Variants in CNTNAP5 observed in about 807,000 individuals in gnomAD.
The protein encoded by CNTNAP5 is contactin-associated protein-like 5.
CNTNAP5 carries 72 observed loss-of-function variants against 150.2 expected under a neutral mutation model. That is an observed-to-expected ratio of 0.48 (90% CI 0.40 to 0.58). The LOEUF is 0.58. Ranked by LOEUF, CNTNAP5 falls within the 20% of genes least tolerant of loss-of-function variation. CNTNAP5 has a pLI of 0.00. For synonymous variants in CNTNAP5, 672 were observed against 619.8 expected (o/e 1.08, Z -1.25); for missense variants, 1,636 against 1,626.2 (o/e 1.01, Z -0.10).
chr2:124,235,895 C>A (rs566649013), intron 2 of CNTNAP5, among the ~76,000 whole-genome samples: 15 of 152,172 alleles, frequency 9.9e-5, no homozygotes, highest in African/African-American at 3.6e-4. Context: ...AGGTGTTTAT[C>A]ATTTTTGCAA....
chr2:124,504,382 C>A lies in CNTNAP5; in HGVS notation c.1153C>A (p.Pro385Thr). 1 of 1,613,960 alleles carries A rather than the reference C, an allele frequency of 6.2e-7. No individual in the cohort carries two copies. The highest frequency in any genetic ancestry group is 8.5e-7 in the Non-Finnish European group (1 of 1,179,866). ...SGSYLLLPGT[P>T]QIDGLSVSFQ... ...CAGCTATTTGCTGCTGCCCGGCACCCCCCAAATTGATGGGCTCTCAGTGAG... is the reference window on the plus strand; with the variant it reads ...CAGCTATTTGCTGCTGCCCGGCACCACCCAAATTGATGGGCTCTCAGTGAG... The change falls in exon 8 of 24, where the codon CCC (proline) becomes ACC (threonine). Residue 385 changes from proline to threonine, a missense_variant. Coordinates refer to ENST00000682447, the MANE Select transcript of CNTNAP5 (RefSeq NM_001367498.1).
intron 7 of CNTNAP5, among the ~76,000 whole-genome samples, chr2:124,495,342 G>A (rs1408002214): frequency 6.6e-6 from 1 of 152,134 alleles, no homozygotes; most frequent in African/African-American, 2.4e-5. Context: ...ATATTTTTGA[G>A]CTTCTTGATT....
intron 1 of CNTNAP5, among the ~76,000 whole-genome samples, chr2:124,172,573 C>G (rs1684958885): frequency 6.6e-6 from 1 of 152,086 alleles, no homozygotes; most frequent in South Asian, 2.1e-4. Flanking sequence ...CCATCATGCC[C>G]AGCATTTTTT....
intron 7 of CNTNAP5, among the ~76,000 whole-genome samples, chr2:124,479,920 A>G (rs1693728134): frequency 6.6e-6 from 1 of 152,210 alleles, no homozygotes; most frequent in South Asian, 2.1e-4. Flanking sequence ...TGTTAGTGTG[A>G]AGATTAAATC....
chr2:124,235,502 C>T (rs1469540742), intron 2 of CNTNAP5, among the ~76,000 whole-genome samples: 1 of 152,074 alleles, frequency 6.6e-6, no homozygotes, highest in African/African-American at 2.4e-5. Context: ...TGTATAAAAA[C>T]CCCAGCTCCC....
chr2:124,225,035 A>C (rs926117209), intron 2 of CNTNAP5, among the ~76,000 whole-genome samples: 1 of 152,108 alleles, frequency 6.6e-6, no homozygotes, highest in Non-Finnish European at 1.5e-5. Flanking sequence ...ATTGTACCAC[A>C]TGGTTTGAAA....
At position 124,848,897 on chromosome 2, in the gene CNTNAP5, G is replaced by T. The variant is rs1044886760; in HGVS notation, c.3218-16409G>T. ...TATATATTTTGGATATTAAATCCCT[G>T]CCAGATCTGTAGTGCAAATATTTTT... On this transcript the variant is annotated intron_variant, in intron 19 of 23. Coordinates refer to ENST00000682447, the MANE Select transcript of CNTNAP5 (RefSeq NM_001367498.1). 5.3e-5 allele frequency among the ~76,000 whole-genome samples: 8 copies of T among 152,078 alleles called. 1 individual carries two copies. Among genetic ancestry groups the T allele is most frequent in the Middle Eastern group, 6.3e-3 (2 of 316 alleles).
At chr2:124,226,967 T>C (rs1270596799) in intron 2 of CNTNAP5, among the ~76,000 whole-genome samples, 1 of 152,100 alleles carries the variant, frequency 6.6e-6, no homozygotes, top group Admixed American at 6.6e-5. Context: ...GTAAATGGAT[T>C]AATCTATTCA....
intron 3 of CNTNAP5, among the ~76,000 whole-genome samples, chr2:124,373,234 C>G (rs1690571878): frequency 6.6e-6 from 1 of 152,090 alleles, no homozygotes; most frequent in Admixed American, 6.6e-5. Flanking sequence ...ATGACGAGAA[C>G]TATTATTTCT....
chr2:124,029,531 G>C (rs920040060), intron 1 of CNTNAP5, among the ~76,000 whole-genome samples: 6 of 151,898 alleles, frequency 4.0e-5, no homozygotes, highest in African/African-American at 1.5e-4. Context: ...CCAAACCCTG[G>C]ACTAGCGATT....
intron 6 of CNTNAP5, among the ~76,000 whole-genome samples, chr2:124,458,242 TA>T (rs1399634452): frequency 2.1e-5 from 3 of 146,112 alleles, no homozygotes; most frequent in African/African-American, 5.0e-5. Flanking sequence ...ATATTATATA[TA>T]ATATAAAATA....
intron 3 of CNTNAP5, among the ~76,000 whole-genome samples, chr2:124,266,694 G>A (rs1324729662): frequency 6.6e-6 from 1 of 152,030 alleles, no homozygotes; most frequent in East Asian, 1.9e-4. Flanking sequence ...ACTTTAACTC[G>A]TGCACTATGA....
At chr2:124,142,921 A>T (rs1484833659) in intron 1 of CNTNAP5, among the ~76,000 whole-genome samples, 5 of 145,808 alleles carry the variant, frequency 3.4e-5, no homozygotes, top group African/African-American at 5.2e-5. Context: ...AAAAGAGAGA[A>T]GAATCAAATA....
intron 3 of CNTNAP5, among the ~76,000 whole-genome samples, chr2:124,287,482 CT>C: frequency 6.6e-6 from 1 of 152,238 alleles, no homozygotes; most frequent in African/African-American, 2.4e-5. Context: ...TGATGACTGC[CT>C]TGTTTATTTA....
At chr2:124,480,425 T>C (rs527812763) in intron 7 of CNTNAP5, among the ~76,000 whole-genome samples, 1 of 152,328 alleles carries the variant, frequency 6.6e-6, no homozygotes. Flanking sequence ...TTATTTCTTA[T>C]GGCTCTAAAG....
chr2:124,834,262 G>C (rs1682777929), intron 19 of CNTNAP5, among the ~76,000 whole-genome samples: 1 of 152,144 alleles, frequency 6.6e-6, no homozygotes, highest in East Asian at 1.9e-4. Context: ...TCATTCTAAA[G>C]CTGATGTCTA....
chr2:124,326,363 T>C (rs1689217254), intron 3 of CNTNAP5, among the ~76,000 whole-genome samples: 1 of 152,244 alleles, frequency 6.6e-6, no homozygotes. Flanking sequence ...TGCATTTGTG[T>C]GTGTGCCTGT....
At chr2:124,171,118 C>CT (rs920128051) in intron 1 of CNTNAP5, among the ~76,000 whole-genome samples, 4 of 152,232 alleles carry the variant, frequency 2.6e-5, no homozygotes, top group African/African-American at 7.2e-5. Context: ...AAGGTTATTG[C>CT]TTTTTCAAAA....
At chr2:124,326,390 C>T (rs768534049) in intron 3 of CNTNAP5, among the ~76,000 whole-genome samples, 2 of 152,100 alleles carry the variant, frequency 1.3e-5, no homozygotes, top group Non-Finnish European at 2.9e-5. Flanking sequence ...ATGTGATAGT[C>T]GTGGGCAGAA....
Sources: allele counts gnomAD v4.1 joint callset (sites outside exome capture counted in the v4.1 genomes callset), GRCh38; gene constraint gnomAD v4.1.1; transcripts MANE v1.5; gene names NCBI Gene and HGNC (gene_info 2026-07-23, HGNC 2026-07-21).